Variants in MRPS35 observed in about 807,000 individuals in gnomAD.
The protein encoded by MRPS35 is mitochondrial ribosomal protein S35, also known as small ribosomal subunit protein mS35.
MRPS35 carries 29 observed loss-of-function variants against 32.7 expected under a neutral mutation model. The ratio of observed to expected loss-of-function variants is 0.89; its 90% CI spans 0.66 to 1.21. The LOEUF (loss-of-function observed/expected upper bound fraction) is 1.21, where lower values mean the gene tolerates loss of function less well. Ranked by LOEUF, MRPS35 falls within the 50% of genes most tolerant of loss-of-function variation. The pLI, the probability that MRPS35 is intolerant of heterozygous loss-of-function variation, is 0.00. For synonymous variants in MRPS35, 148 were observed against 139.3 expected, an observed-to-expected ratio of 1.06 and a Z score of -0.44; for missense variants, 373 against 383.8, an observed-to-expected ratio of 0.97 and a Z score of 0.23.
intron 7 of MRPS35, among the ~76,000 whole-genome samples, chr12:27,739,122 T>C (rs962797636): frequency 2.6e-5 from 4 of 152,318 alleles, no homozygotes; most frequent in East Asian, 3.9e-4. Context: ...GGTCTCGAAC[T>C]CCTAACCTCA....
rs148763655 is a variant in MRPS35, at chr12:27,725,163, C to G, written c.522+977C>G. Among the ~76,000 whole-genome samples, 798 of 152,282 alleles carry G rather than the reference C, an allele frequency of 5.2e-3. 5 individuals are homozygous for G. Among genetic ancestry groups the G allele is most frequent in the African/African-American group, 0.019 (772 of 41,552 alleles). On this transcript the variant is annotated intron_variant, in intron 5 of 7. Coordinates refer to ENST00000081029, the MANE Select transcript of MRPS35 (RefSeq NM_021821.4). ...ACTCCTGGCTCAAGTGATCTTCCCA[C>G]TTCCGCCTCCCAAAGCACTGGAATT...
intron 3 of MRPS35, among the ~76,000 whole-genome samples, chr12:27,718,060 CA>C (rs199963664): frequency 0.013 from 2,026 of 152,064 alleles, 24 homozygotes; most frequent in Non-Finnish European, 0.022. Context: ...AGGAAAAAAC[CA>C]AAAAGTACAG....
At chr12:27,712,880 T>A (rs2061833972) in intron 1 of MRPS35, among the ~76,000 whole-genome samples, 1 of 152,132 alleles carries the variant, frequency 6.6e-6, no homozygotes, top group South Asian at 2.1e-4. Context: ...TAGCCAGACG[T>A]GGTGGCCCAT....
intron 4 of MRPS35, 130 bp from the exon 5 acceptor site, chr12:27,723,917 G>A: frequency 1.2e-6 from 1 of 839,144 alleles, no homozygotes; most frequent in Non-Finnish European, 1.8e-6. Flanking sequence ...TATATGTAAA[G>A]TGCAGAAGAG....
chr12:27,722,151 A>C (rs549576623), intron 4 of MRPS35, among the ~76,000 whole-genome samples: 22 of 152,344 alleles, frequency 1.4e-4, no homozygotes, highest in African/African-American at 5.1e-4. Flanking sequence ...ATCCCTTTAC[A>C]CTTGCTGCTG....
chr12:27,738,913 CTT>C (rs60150957), intron 7 of MRPS35, among the ~76,000 whole-genome samples: 42 of 139,722 alleles, frequency 3.0e-4, no homozygotes, highest in Admixed American at 2.9e-4. Flanking sequence ...TTACTGAGAA[CTT>C]TTTTTTTTTT....
intron 6 of MRPS35, 57 bp from the exon 7 acceptor site, chr12:27,737,482 A>AT: frequency 7.0e-7 from 1 of 1,436,580 alleles, no homozygotes; most frequent in South Asian, 1.2e-5. Context: ...TATTTTGCAA[A>AT]TTTTTCTGTG....
intron 6 of MRPS35, among the ~76,000 whole-genome samples, chr12:27,737,022 C>T (rs923827181): frequency 1.3e-5 from 2 of 152,296 alleles, no homozygotes; most frequent in South Asian, 2.1e-4. Flanking sequence ...ACTACAGGTG[C>T]GCATCACCAT....
chr12:27,718,313 G>GCTA (rs1402296404), intron 3 of MRPS35, among the ~76,000 whole-genome samples: 1 of 152,196 alleles, frequency 6.6e-6, no homozygotes, highest in African/African-American at 2.4e-5. Flanking sequence ...TGTAATCCCA[G>GCTA]CTACTTGGGA....
chr12:27,744,901 C>T (rs1391764386), intron 7 of MRPS35, among the ~76,000 whole-genome samples: 1 of 152,106 alleles, frequency 6.6e-6, no homozygotes, highest in Non-Finnish European at 1.5e-5. Context: ...CAATGATCAC[C>T]TTGCATTAAC....
At chr12:27,745,050 G>C (rs1239161179) in intron 7 of MRPS35, among the ~76,000 whole-genome samples, 1 of 152,098 alleles carries the variant, frequency 6.6e-6, no homozygotes, top group Non-Finnish European at 1.5e-5. Flanking sequence ...CTGCCTCCCA[G>C]GCTCAAGTGA....
At chr12:27,743,745 A>G (rs1421129642) in intron 7 of MRPS35, among the ~76,000 whole-genome samples, 1 of 152,174 alleles carries the variant, frequency 6.6e-6, no homozygotes, top group Non-Finnish European at 1.5e-5. Flanking sequence ...AGTGGCTTAA[A>G]TGATAGAAAT....
intron 4 of MRPS35, among the ~76,000 whole-genome samples, chr12:27,720,172 A>G (rs2061867630): frequency 6.6e-6 from 1 of 152,116 alleles, no homozygotes; most frequent in South Asian, 2.1e-4. Context: ...CGGGCAGACC[A>G]CCTGAGGTTA....
At chr12:27,716,605 TTTA>T (rs1165049850) in intron 3 of MRPS35, 147 bp downstream of exon 3, 1 of 716,942 alleles carries the variant, frequency 1.4e-6, no homozygotes, top group African/African-American at 1.8e-5. Context: ...ATATAATAGG[TTTA>T]TTATTATACA....
At chr12:27,716,203 T>C (rs2140753134) in intron 2 of MRPS35, 88 bp from the exon 3 acceptor site, 2 of 1,260,520 alleles carry the variant, frequency 1.6e-6, no homozygotes, top group Middle Eastern at 2.4e-4. Flanking sequence ...TTTCTTGTAA[T>C]TGTAGCTTTT....
chr12:27,756,018 T>G lies in MRPS35; in HGVS notation c.*568T>G, dbSNP rs1417245661. On this transcript the variant is annotated 3_prime_UTR_variant, in exon 8 of 8. Transcript: ENST00000081029. ...CCTACTTTCTAGATTGTGGGGCTCA[T>G]TTTGCCAGGGCCAAGCTACCAGAAA... is the stretch of plus-strand genomic sequence containing the variant. 6.6e-6 allele frequency: 1 copy of G among 152,252 alleles called. No homozygotes were observed. The highest frequency in any genetic ancestry group is 1.5e-5 in the Non-Finnish European group (1 of 68,060). 9.4% of individuals were successfully genotyped at this position (152,252 alleles called of 1,614,324 possible). A position where few individuals can be genotyped will look rare whatever the true frequency, so the allele number is the denominator to read the frequency against.
At chr12:27,735,643 A>T in intron 6 of MRPS35, 87 bp downstream of exon 6, 1 of 945,764 alleles carries the variant, frequency 1.1e-6, no homozygotes, top group Non-Finnish European at 1.7e-6. Context: ...AAGAAACTAT[A>T]TTGAAGATGG....
chr12:27,724,997 G>A (rs1372503346), intron 5 of MRPS35, among the ~76,000 whole-genome samples: 1 of 152,070 alleles, frequency 6.6e-6, no homozygotes, highest in East Asian at 1.9e-4. Flanking sequence ...GCTCAATGTG[G>A]CCTCCAATTT....
intron 6 of MRPS35, among the ~76,000 whole-genome samples, chr12:27,736,953 T>G (rs191956796): frequency 6.8e-4 from 104 of 152,370 alleles, no homozygotes; most frequent in African/African-American, 2.2e-3. Flanking sequence ...CATAGCTCAC[T>G]GAAGCCTTGA....
Sources: allele counts gnomAD v4.1 joint callset (sites outside exome capture counted in the v4.1 genomes callset), GRCh38; gene constraint gnomAD v4.1.1; transcripts MANE v1.5; gene names NCBI Gene and HGNC (gene_info 2026-07-23, HGNC 2026-07-21).